PTCHD4: variants seen among roughly 807,000 people sequenced by gnomAD.
PTCHD4 encodes patched domain containing 4.
In PTCHD4, 33 loss-of-function variants were observed where a neutral mutation model predicts 58.1. The ratio of observed to expected loss-of-function variants is 0.57; its 90% CI spans 0.43 to 0.76. PTCHD4 has a LOEUF of 0.76. Among genes scored for constraint, PTCHD4 ranks in the 30% least tolerant of loss-of-function variants. The probability of loss-of-function intolerance (pLI) is 0.00; values close to 1 mark genes in which losing one functional copy is unlikely to be tolerated. For synonymous variants in PTCHD4, 478 were observed against 409.6 expected (o/e 1.17, Z -2.02); for missense variants, 1,058 against 1,027.1 (o/e 1.03, Z -0.41).
At chr6:48,105,141 G>A (rs1349309715) in intron 1 of PTCHD4, among the ~76,000 whole-genome samples, 3 of 152,140 alleles carry the variant, frequency 2.0e-5, no homozygotes, top group Non-Finnish European at 4.4e-5. Flanking sequence ...CAAATCAACA[G>A]AATATACATT....
At chr6:48,050,749 C>T (rs1056996959) in intron 3 of PTCHD4, among the ~76,000 whole-genome samples, 6 of 151,928 alleles carry the variant, frequency 3.9e-5, no homozygotes, top group African/African-American at 1.4e-4. Context: ...CTATCCCTGT[C>T]TTCAAAAAAT....
chr6:47,946,252 CT>C (rs1277430962), intron 4 of PTCHD4, among the ~76,000 whole-genome samples: 6 of 152,032 alleles, frequency 3.9e-5, no homozygotes, highest in Non-Finnish European at 1.5e-5. Flanking sequence ...ATTATTACTG[CT>C]TTTTTTCTGC....
intron 3 of PTCHD4, among the ~76,000 whole-genome samples, chr6:48,026,106 A>G (rs1157549017): frequency 6.6e-6 from 1 of 152,118 alleles, no homozygotes; most frequent in Non-Finnish European, 1.5e-5. Context: ...CTTTAAAACT[A>G]TCTGATGAGA....
chr6:48,079,958 C>T, intron 1 of PTCHD4, among the ~76,000 whole-genome samples: 1 of 147,292 alleles, frequency 6.8e-6, no homozygotes, highest in Non-Finnish European at 1.5e-5. Context: ...CAAAACCCTG[C>T]CCCTTATGAT....
intron 3 of PTCHD4, among the ~76,000 whole-genome samples, chr6:48,022,781 G>A (rs1234783657): frequency 6.6e-6 from 1 of 152,028 alleles, no homozygotes; most frequent in African/African-American, 2.4e-5. Context: ...TTTTAAATTT[G>A]TAAGGTACCT....
chr6:47,979,547 T>C (rs1291836735), intron 4 of PTCHD4, among the ~76,000 whole-genome samples: 1 of 152,094 alleles, frequency 6.6e-6, no homozygotes, highest in African/African-American at 2.4e-5. Flanking sequence ...TTTTTGGTTA[T>C]GTTTTAAATT....
At chr6:48,019,787 T>C (rs924647326) in intron 3 of PTCHD4, among the ~76,000 whole-genome samples, 1 of 151,772 alleles carries the variant, frequency 6.6e-6, no homozygotes, top group Non-Finnish European at 1.5e-5. Context: ...TAACACAAGA[T>C]GTCAAGAGAG....
Position 47,868,435 on chromosome 6 carries a change from C to T in PTCHD4, c.*9868G>A, listed in dbSNP as rs1214363502. 2.0e-5 allele frequency among the ~76,000 whole-genome samples: 3 copies of T among 151,814 alleles called. No homozygotes were observed. The highest frequency in any genetic ancestry group is 3.4e-3 in the Middle Eastern group (1 of 294). On this transcript the variant is annotated 3_prime_UTR_variant, in exon 5 of 5. Transcript: ENST00000339488. ...CAACAAAAGCTTCTGAATATGGGCT[C>T]TCAAAGATTGAAATTATTAAATAAC...
chr6:48,024,711 C>G (rs868575610), intron 3 of PTCHD4, among the ~76,000 whole-genome samples: 12 of 152,060 alleles, frequency 7.9e-5, no homozygotes, highest in Admixed American at 3.9e-4. Flanking sequence ...GGGACAAGCT[C>G]CATAGTGGAA....
chr6:48,058,931 T>A (rs755732688), intron 3 of PTCHD4, among the ~76,000 whole-genome samples: 23 of 152,218 alleles, frequency 1.5e-4, no homozygotes, highest in Admixed American at 3.9e-4. Context: ...AGGAGAGATT[T>A]TCAGCTTTGA....
intron 3 of PTCHD4, among the ~76,000 whole-genome samples, chr6:48,062,208 A>G (rs1764654394): frequency 6.6e-6 from 1 of 152,236 alleles, no homozygotes; most frequent in Admixed American, 6.5e-5. Flanking sequence ...GATTAAGAAA[A>G]TAAAAACGGT....
chr6:48,017,067 T>C (rs1204231214), intron 3 of PTCHD4, among the ~76,000 whole-genome samples: 1 of 152,230 alleles, frequency 6.6e-6, no homozygotes, highest in Non-Finnish European at 1.5e-5. Context: ...AAAGTCTTCC[T>C]GTGTTTAGTA....
In PTCHD4 at chr6:48,008,908, T is replaced by A; in HGVS notation, c.624A>T (p.Glu208Asp). ...LIRKLQEEHQ[E>D]LQLYSLASFS... Reference sequence around the variant, plus strand: ...AGGATGCTAAAGAGTAGAGCTGGAGTTCTTGATGCTCCTCCTGGAGCTTCC... The same window carrying A: ...AGGATGCTAAAGAGTAGAGCTGGAGATCTTGATGCTCCTCCTGGAGCTTCC... Residue 208 changes from glutamate to aspartate, a missense_variant, in exon 4 of 5, where the codon GAA (glutamate) becomes GAT (aspartate). Coordinates refer to ENST00000339488, the MANE Select transcript of PTCHD4 (RefSeq NM_001384253.1). The A allele has an allele frequency of 1.9e-6, 3 of 1,613,856 alleles. No individual in the cohort carries two copies. The highest frequency in any genetic ancestry group is 2.2e-5 in the South Asian group (2 of 91,072).
intron 3 of PTCHD4, among the ~76,000 whole-genome samples, chr6:48,041,600 T>C (rs1175783774): frequency 6.6e-6 from 1 of 151,992 alleles, no homozygotes; most frequent in Non-Finnish European, 1.5e-5. Flanking sequence ...TATGTGCAAA[T>C]TTCCTCTGTG....
At chr6:47,923,300 A>C (rs1339022559) in intron 4 of PTCHD4, among the ~76,000 whole-genome samples, 1 of 152,124 alleles carries the variant, frequency 6.6e-6, no homozygotes, top group Non-Finnish European at 1.5e-5. Flanking sequence ...TCTTTTTTCT[A>C]ATTTCTGGAA....
At chr6:47,942,390 C>T (rs2113927375) in intron 4 of PTCHD4, among the ~76,000 whole-genome samples, 1 of 152,206 alleles carries the variant, frequency 6.6e-6, no homozygotes, top group East Asian at 1.9e-4. Flanking sequence ...AAGGGTTGTC[C>T]TTCATAAATT....
At chr6:47,940,614 C>T (rs1250209330) in intron 4 of PTCHD4, among the ~76,000 whole-genome samples, 1 of 152,178 alleles carries the variant, frequency 6.6e-6, no homozygotes, top group East Asian at 1.9e-4. Flanking sequence ...ACTTTCACAG[C>T]CTTGTAAAAG....
intron 1 of PTCHD4, among the ~76,000 whole-genome samples, chr6:48,101,226 T>C (rs1009338762): frequency 2.0e-5 from 3 of 152,280 alleles, no homozygotes; most frequent in Middle Eastern, 3.4e-3. Context: ...TAAAAATGGC[T>C]GTGGCAACAG....
chr6:48,110,155 C>G (rs1188719116), intron 1 of PTCHD4, among the ~76,000 whole-genome samples: 5 of 152,172 alleles, frequency 3.3e-5, no homozygotes, highest in African/African-American at 7.2e-5. Context: ...GATATTTGTA[C>G]TACCACGCTT....
Sources: allele counts gnomAD v4.1 joint callset (sites outside exome capture counted in the v4.1 genomes callset), GRCh38; gene constraint gnomAD v4.1.1; transcripts MANE v1.5; gene names NCBI Gene and HGNC (gene_info 2026-07-23, HGNC 2026-07-21).